The following BBS9 variants were observed in gnomAD, a reference collection of about 807,000 sequenced individuals.
BBS9 encodes Bardet-Biedl syndrome 9.
Under a neutral mutation model 117.7 loss-of-function variants are expected in BBS9, and 89 were observed. The observed-to-expected ratio is 0.76, with a 90% CI of 0.64 to 0.90. BBS9 has a LOEUF of 0.90. BBS9 is among the 40% of genes least tolerant of loss of function. BBS9 has a pLI of 0.00. For missense variants in BBS9, 982 were observed against 1,042.2 expected (o/e 0.94, Z 0.80); for synonymous variants, 379 against 370.9 (o/e 1.02, Z -0.25).
intron 2 of BBS9, among the ~76,000 whole-genome samples, chr7:33,146,583 C>T (rs1321987562): frequency 6.6e-6 from 1 of 151,428 alleles, no homozygotes; most frequent in Non-Finnish European, 1.5e-5. Context: ...TCTGTAATCC[C>T]AGCTACCTGG....
At chr7:33,517,079 C>G (rs1847913117) in intron 20 of BBS9, among the ~76,000 whole-genome samples, 1 of 152,200 alleles carries the variant, frequency 6.6e-6, no homozygotes, top group Non-Finnish European at 1.5e-5. Context: ...GGTTAGCAGT[C>G]TTAGAACTAA....
intron 15 of BBS9, among the ~76,000 whole-genome samples, chr7:33,356,605 A>G (rs1293232854): frequency 6.6e-6 from 1 of 151,860 alleles, no homozygotes; most frequent in African/African-American, 2.4e-5. Flanking sequence ...ATGCTCTGAA[A>G]AAGTATTTAA....
At chr7:33,148,040 G>A (rs1210969834) in intron 2 of BBS9, among the ~76,000 whole-genome samples, 2 of 152,164 alleles carry the variant, frequency 1.3e-5, no homozygotes, top group African/African-American at 4.8e-5. Context: ...GGGGTGATGT[G>A]ACTTAGGTTT....
intron 2 of BBS9, among the ~76,000 whole-genome samples, chr7:33,146,799 G>A (rs1242480767): frequency 6.6e-6 from 1 of 151,740 alleles, no homozygotes. Context: ...AATTTTGAAG[G>A]TAGTTTTTTT....
intron 5 of BBS9, among the ~76,000 whole-genome samples, chr7:33,179,821 C>T (rs117604455): frequency 2.2e-4 from 33 of 152,258 alleles, no homozygotes; most frequent in Admixed American, 4.6e-4. Context: ...ATATAGATTG[C>T]AGTGTACTTT....
chr7:33,278,481 T>G (rs1445289161), intron 9 of BBS9, among the ~76,000 whole-genome samples: 1 of 152,140 alleles, frequency 6.6e-6, no homozygotes, highest in Non-Finnish European at 1.5e-5. Flanking sequence ...AAATAGGAAA[T>G]AGCAAATTTA....
At chr7:33,380,445 A>T (rs1158463612) in intron 17 of BBS9, 1 of 153,734 alleles carries the variant, frequency 6.5e-6, no homozygotes, top group East Asian at 1.9e-4. Context: ...GGAATTACCT[A>T]CCTTGGACAA....
intron 19 of BBS9, among the ~76,000 whole-genome samples, chr7:33,407,177 G>A (rs868594485): frequency 4.5e-4 from 68 of 151,872 alleles, no homozygotes; most frequent in South Asian, 8.4e-4. Flanking sequence ...GCTTCATTTC[G>A]TTCATTTCAT....
chr7:33,157,277 C>T (rs192723760), intron 4 of BBS9, among the ~76,000 whole-genome samples: 1 of 152,220 alleles, frequency 6.6e-6, no homozygotes, highest in Admixed American at 6.5e-5. Flanking sequence ...AAGAAACTGG[C>T]ATATTAGGTG....
intron 21 of BBS9, among the ~76,000 whole-genome samples, chr7:33,566,020 G>A (rs1294974065): frequency 4.6e-5 from 7 of 150,538 alleles, no homozygotes; most frequent in South Asian, 2.1e-4. Context: ...TGTGGTCTGC[G>A]GATAACATCT....
At chr7:33,522,347 G>A (rs1048092308) in intron 20 of BBS9, among the ~76,000 whole-genome samples, 1 of 151,226 alleles carries the variant, frequency 6.6e-6, no homozygotes, top group African/African-American at 2.4e-5. Flanking sequence ...GGTTGAACTA[G>A]TTTACAGTCC....
At chr7:33,414,499 C>G (rs934876337) in intron 19 of BBS9, among the ~76,000 whole-genome samples, 2 of 152,082 alleles carry the variant, frequency 1.3e-5, no homozygotes, top group African/African-American at 4.8e-5. Context: ...TGTGAACATT[C>G]TCCTGTCTCT....
chr7:33,603,787 T>C (rs1241843001), intron 21 of BBS9, among the ~76,000 whole-genome samples: 1 of 152,186 alleles, frequency 6.6e-6, no homozygotes, highest in Non-Finnish European at 1.5e-5. Flanking sequence ...CTAATTCTTA[T>C]TTTATGAGTG....
chr7:33,152,421 G>A (rs762694295), intron 2 of BBS9, among the ~76,000 whole-genome samples: 4 of 152,094 alleles, frequency 2.6e-5, no homozygotes, highest in African/African-American at 4.8e-5. Flanking sequence ...CTTTGATTGA[G>A]TTAAATTATG....
At chr7:33,422,328 T>C (rs1376632039) in intron 19 of BBS9, among the ~76,000 whole-genome samples, 1 of 152,214 alleles carries the variant, frequency 6.6e-6, no homozygotes, top group African/African-American at 2.4e-5. Context: ...GTATATTTGA[T>C]GTGTACCACA....
chr7:33,389,657 C>T (rs1274625390), intron 19 of BBS9, among the ~76,000 whole-genome samples: 1 of 141,266 alleles, frequency 7.1e-6, no homozygotes, highest in Non-Finnish European at 1.5e-5. Context: ...CCATTGCACT[C>T]CAGCCTGGGT....
rs752108930 is a variant in BBS9 at position 33,177,559 on chromosome 7, A to G, written c.410A>G (p.Asn137Ser). 8 of 1,613,444 alleles carry G rather than the reference A, an allele frequency of 5.0e-6. 1 individual carries two copies. The Middle Eastern group carries it at 5.0e-4, about 100-fold the overall frequency. ...YEHNLQRTAC[N>S]MTYGSFGGVK... ...CATAATCTTCAGAGAACAGCCTGCA[A>G]TATGACCTATGGATCATTTGGTGGT... is the stretch of plus-strand genomic sequence containing the variant. The change falls in exon 5 of 23, where the codon AAT becomes AGT. Residue 137 changes from asparagine (N) to serine (S), a missense_variant. Physicochemically the swap from Asn to Ser is conservative, Grantham distance 46. Transcript: ENST00000242067.
intron 5 of BBS9, among the ~76,000 whole-genome samples, chr7:33,237,659 A>G (rs1793754873): frequency 2.0e-5 from 3 of 152,194 alleles, no homozygotes; most frequent in African/African-American, 7.2e-5. Flanking sequence ...CAGGATTACC[A>G]CATTCATCTA....
At chr7:33,391,316 C>T (rs193123430) in intron 19 of BBS9, among the ~76,000 whole-genome samples, 119 of 152,254 alleles carry the variant, frequency 7.8e-4, no homozygotes, top group African/African-American at 2.5e-3. Context: ...CCCAACGTAC[C>T]GCTTTAAAAT....
Sources: gnomAD v4.1 joint callset for allele counts (sites outside exome capture counted in the v4.1 genomes callset) on GRCh38, gnomAD v4.1.1 for gene constraint, MANE v1.5 for transcripts, NCBI Gene and HGNC (gene_info 2026-07-23, HGNC 2026-07-21) for gene names.